The following CALCA variants were observed in gnomAD, a reference collection of about 807,000 sequenced individuals.
CALCA encodes calcitonin related polypeptide alpha.
Under a neutral mutation model 6.9 loss-of-function variants are expected in CALCA, and 4 were observed. The observed-to-expected ratio is 0.58, with a 90% CI of 0.29 to 1.33. The LOEUF (loss-of-function observed/expected upper bound fraction) is 1.33, where lower values mean the gene tolerates loss of function less well. Ranked by LOEUF, CALCA falls within the 40% of genes most tolerant of loss-of-function variation. The probability of loss-of-function intolerance (pLI) is 0.09; values close to 1 mark genes in which losing one functional copy is unlikely to be tolerated. For missense variants in CALCA, 174 were observed against 178.3 expected, an observed-to-expected ratio of 0.98 and a Z score of 0.14; for synonymous variants, 78 against 70.0, an observed-to-expected ratio of 1.11 and a Z score of -0.57.
In CALCA at chr11:14,968,692, G is replaced by A. The variant is rs2133580403; in HGVS notation, c.*107C>T. The stretch of plus-strand genomic sequence containing the variant: ...AGTTTGAGACATCCTCTGCCACAAG[G>A]AAAGCCACCAATACCAGCCCAAAGA... On this transcript the variant is annotated 3_prime_UTR_variant, in exon 4 of 4. Coordinates refer to ENST00000331587, the MANE Select transcript of CALCA (RefSeq NM_001741.3). The A allele has an allele frequency of 6.2e-7, 1 of 1,611,168 alleles. No homozygotes were observed. Among genetic ancestry groups the A allele is most frequent in the South Asian group, 1.1e-5 (1 of 90,218 alleles).
rs545064686 is a variant in CALCA, at chr11:14,968,935, G to A, written c.290C>T (p.Thr97Met). 3.1e-6 allele frequency: 5 copies of A among 1,614,012 alleles called. No homozygotes were observed. The highest frequency in any genetic ancestry group is 2.2e-5 in the South Asian group (2 of 91,070). ...NLSTCMLGTY[T>M]QDFNKFHTFP... ...CGTGTGAAACTTGTTGAAGTCCTGC[G>A]TGTATGTGCCCAGCATGCAAGTACT... Residue 97 changes from threonine (T) to methionine (M), a missense_variant, in exon 4 of 4, where the codon ACG (threonine) becomes ATG (methionine). Physicochemically the swap from Thr to Met is moderately conservative, Grantham distance 81. Transcript: ENST00000331587.
chr11:14,971,180 T>C lies in CALCA; in HGVS notation c.13A>G (p.Lys5Glu), dbSNP rs1555026453. MGFQ[K>E]FSPFLALSIL... ...CTGAGAGCCAGGAAGGGGGAGAACT[T>C]TTGGAAGCCCATGACACCTCTCTGC... The change falls in exon 2 of 4, where the codon AAG becomes GAG. Residue 5 changes from lysine to glutamate, a missense_variant. Physicochemically the swap from Lys to Glu is moderately conservative, Grantham distance 56. Coordinates refer to ENST00000331587, the MANE Select transcript of CALCA (RefSeq NM_001741.3). 1 of 1,613,944 alleles carries C rather than the reference T, an allele frequency of 6.2e-7. No individual in the cohort carries two copies. Among genetic ancestry groups the C allele is most frequent in the Non-Finnish European group, 8.5e-7 (1 of 1,179,938 alleles).
chr11:14,971,767 CTT>C (rs1555026560), intron 1 of CALCA, among the ~76,000 whole-genome samples: 1 of 152,226 alleles, frequency 6.6e-6, no homozygotes, highest in Non-Finnish European at 1.5e-5. Flanking sequence ...GGACCCAAGA[CTT>C]TCTCTCTTTG....
downstream of CALCA, chr11:14,967,612 G>T (rs1590263117): frequency 4.4e-6 from 7 of 1,595,528 alleles, no homozygotes; most frequent in East Asian, 1.6e-4. Flanking sequence ...GCTCAGAGTG[G>T]TTTTACACCC....
In CALCA at chr11:14,968,956, G is replaced by C. The variant is rs1555025876; in HGVS notation, c.269C>G (p.Thr90Ser). The C allele has an allele frequency of 1.2e-6, 2 of 1,613,968 alleles. No individual in the cohort carries two copies. The highest frequency in any genetic ancestry group is 1.7e-6 in the Non-Finnish European group (2 of 1,180,030). ...CTGCGTGTATGTGCCCAGCATGCAA[G>C]TACTCAGATTACCGCACCGCTTAGA... ...PRSKRCGNLS[T>S]CMLGTYTQDF... The change falls in exon 4 of 4, where the codon ACT becomes AGT. Residue 90 changes from threonine to serine, a missense_variant. By Grantham distance (58) the Thr-to-Ser change is moderately conservative (BLOSUM62 1). Transcript: ENST00000331587.
chr11:14,970,147 C>T (rs1555026218), intron 2 of CALCA, 72 bp from the exon 3 acceptor site: 5 of 1,583,844 alleles, frequency 3.2e-6, no homozygotes, highest in South Asian at 1.1e-5. Flanking sequence ...AGCAGCCAGG[C>T]TTCCTGGTCT....
At chr11:14,969,858 C>G in intron 3 of CALCA, 77 bp downstream of exon 3, 7 of 1,606,894 alleles carry the variant, frequency 4.4e-6, no homozygotes, top group Non-Finnish European at 4.3e-6. Flanking sequence ...TGTGTTCTCT[C>G]CTACCTCTCG....
chr11:14,968,106 G>A (rs1400563453), downstream of CALCA: 2 of 567,578 alleles, frequency 3.5e-6, no homozygotes, highest in African/African-American at 3.8e-5. Context: ...GCTATGGAAT[G>A]TGGAGCAGTA....
downstream of CALCA, chr11:14,967,714 C>T (rs377434681): frequency 1.5e-5 from 25 of 1,614,016 alleles, no homozygotes; most frequent in South Asian, 4.4e-5. Context: ...AAGGTCCCTG[C>T]GGCGCCTGCC....
In CALCA at chr11:14,969,631, G is replaced by GTGC. The variant is rs797037365; in HGVS notation, c.227+301_227+303dup. Among the ~76,000 whole-genome samples the GTGC allele has an allele frequency of 9.8e-5, 15 of 152,294 alleles. No homozygotes were observed. The East Asian group carries it at 2.3e-3, about 24-fold the overall frequency. On this transcript the variant is annotated intron_variant, in intron 3 of 3. Transcript: ENST00000331587. Reference sequence around the variant, plus strand: ...ACCCTTACTAGTCTTAACTCATCCAGTGCTGGGAGGTCTCCCAGTACTGCA... The same window carrying GTGC: ...ACCCTTACTAGTCTTAACTCATCCAGTGCTGCTGGGAGGTCTCCCAGTACTGCA...
chr11:14,969,721 C>G (rs575751924), intron 3 of CALCA, among the ~76,000 whole-genome samples: 1 of 152,266 alleles, frequency 6.6e-6, no homozygotes, highest in South Asian at 2.1e-4. Flanking sequence ...CTTTCAGAAA[C>G]GGAGCCTTTT....
At chr11:14,970,142 C>T (rs1287158953) in intron 2 of CALCA, 67 bp from the exon 3 acceptor site, 3 of 1,594,348 alleles carry the variant, frequency 1.9e-6, no homozygotes, top group African/African-American at 1.3e-5. Flanking sequence ...GGATAAGCAG[C>T]CAGGCTTCCT....
At chr11:14,970,162 T>G in intron 2 of CALCA, 87 bp from the exon 3 acceptor site, 1 of 1,563,626 alleles carries the variant, frequency 6.4e-7, no homozygotes, top group Admixed American at 1.9e-5. Flanking sequence ...TGGTCTTTGC[T>G]TCTTCCCCTG....
In CALCA at chr11:14,968,706, C is replaced by G; in HGVS notation, c.*93G>C. 1 of 1,612,224 alleles carries G rather than the reference C, an allele frequency of 6.2e-7. No individual in the cohort carries two copies. Among genetic ancestry groups the G allele is most frequent in the Non-Finnish European group, 8.5e-7 (1 of 1,179,426 alleles). On this transcript the variant is annotated 3_prime_UTR_variant, in exon 4 of 4. Coordinates refer to ENST00000331587, the MANE Select transcript of CALCA (RefSeq NM_001741.3). ...TCTGCCACAAGGAAAGCCACCAATA[C>G]CAGCCCAAAGAGCCACCAGAGAGGA...
chr11:14,971,775 C>A (rs1246355736), intron 1 of CALCA, among the ~76,000 whole-genome samples: 1 of 152,244 alleles, frequency 6.6e-6, no homozygotes, highest in Non-Finnish European at 1.5e-5. Flanking sequence ...GACTTTCTCT[C>A]TTTGCTCCCA....
In CALCA at chr11:14,968,929, T is replaced by G; in HGVS notation, c.296A>C (p.Asp99Ala). The change falls in exon 4 of 4, where the codon GAC (aspartate) becomes GCC (alanine). Residue 99 changes from aspartate (D) to alanine (A), a missense_variant. Transcript: ENST00000331587. ...STCMLGTYTQ[D>A]FNKFHTFPQT... is the part of the protein sequence containing the mutation. ...GGGGAACGTGTGAAACTTGTTGAAG[T>G]CCTGCGTGTATGTGCCCAGCATGCA... The G allele has an allele frequency of 6.2e-7, 1 of 1,614,086 alleles. No homozygotes were observed. Among genetic ancestry groups the G allele is most frequent in the Non-Finnish European group, 8.5e-7 (1 of 1,180,026 alleles).
downstream of CALCA, chr11:14,967,707 G>A: frequency 1.2e-6 from 2 of 1,614,126 alleles, no homozygotes; most frequent in East Asian, 2.2e-5. Flanking sequence ...AGGCTTGAAG[G>A]TCCCTGCGGC....
rs1189184231 is a variant in CALCA, at chr11:14,970,089, G to A, written c.87-14C>T. The A allele has an allele frequency of 6.2e-7, 1 of 1,613,986 alleles. No individual in the cohort carries two copies. Among genetic ancestry groups the A allele is most frequent in the Non-Finnish European group, 8.5e-7 (1 of 1,179,986 alleles). On this transcript the variant is annotated splice_polypyrimidine_tract_variant and intron_variant, in intron 2 of 3. Coordinates refer to ENST00000331587, the MANE Select transcript of CALCA (RefSeq NM_001741.3). ...TCCAGGGCAGACCTGTGGAGGGGAA[G>A]CAAACTCAGTGCAGGCTGTGAGCCC...
Position 14,968,596 on chromosome 11 carries a change from C to T in CALCA, c.*203G>A. 3 of 1,478,594 alleles carry T rather than the reference C, an allele frequency of 2.0e-6. No individual in the cohort carries two copies. Among genetic ancestry groups the T allele is most frequent in the Non-Finnish European group, 2.7e-6 (3 of 1,115,608 alleles). 91.6% of individuals were successfully genotyped at this position (1,478,594 alleles called of 1,614,324 possible). Reference sequence around the variant, plus strand: ...CATCTCTGGGGGACTCAAAGCGGCCCTCATTTTCTGGTATTTTCCCAGGTG... The same window carrying T: ...CATCTCTGGGGGACTCAAAGCGGCCTTCATTTTCTGGTATTTTCCCAGGTG... On this transcript the variant is annotated 3_prime_UTR_variant, in exon 4 of 4. Transcript: ENST00000331587.
Sources: allele counts gnomAD v4.1 joint callset (sites outside exome capture counted in the v4.1 genomes callset), GRCh38; gene constraint gnomAD v4.1.1; transcripts MANE v1.5; gene names NCBI Gene and HGNC (gene_info 2026-07-23, HGNC 2026-07-21).